The following DOCK6 variants were observed in gnomAD, a reference collection of about 807,000 sequenced individuals.
DOCK6 encodes dedicator of cytokinesis 6.
In DOCK6, 167 loss-of-function variants were observed where a neutral mutation model predicts 230.3. The ratio of observed to expected loss-of-function variants is 0.73; its 90% CI spans 0.64 to 0.82. The LOEUF (loss-of-function observed/expected upper bound fraction) is 0.82, where lower values mean the gene tolerates loss of function less well. DOCK6 is among the 40% of genes least tolerant of loss of function. The probability of loss-of-function intolerance (pLI) is 0.00; values close to 1 mark genes in which losing one functional copy is unlikely to be tolerated. For missense variants in DOCK6, 2,598 were observed against 2,825.8 expected (o/e 0.92, Z 1.83); for synonymous variants, 1,148 against 1,185.0 (o/e 0.97, Z 0.64).
At chr19:11,254,485 GA>G (rs1187228942) in intron 1 of DOCK6, among the ~76,000 whole-genome samples, 107 of 152,120 alleles carry the variant, frequency 7.0e-4, no homozygotes, top group African/African-American at 2.4e-3. Context: ...CCTGAGGTCA[GA>G]AGTTCAAGAA....
Position 11,222,609 on chromosome 19 carries a change from TA to T in DOCK6, c.3240+125del. The T allele has an allele frequency of 1.8e-6, 2 of 1,089,784 alleles. No individual in the cohort carries two copies. The highest frequency in any genetic ancestry group is 1.7e-5 in the South Asian group (1 of 59,526). 67.5% of individuals were successfully genotyped at this position (1,089,784 alleles called of 1,614,324 possible). Reference sequence around the variant, plus strand: ...AGGGTCAGAAGTCAAAAGTCAAACATAAGGGATTAGTTCACCTAGGCAGTGG... The same window carrying T: ...AGGGTCAGAAGTCAAAAGTCAAACATAGGGATTAGTTCACCTAGGCAGTGG... On this transcript the variant is annotated intron_variant, in intron 26 of 47. Transcript: ENST00000294618. This position sits in a 1 kb window ranked among gnomAD's most constrained non-coding sequence, Gnocchi z 4.0.
chr19:11,236,121 C>CCA lies in DOCK6; in HGVS notation c.2392+224_2392+225insTG. 3 of 580,504 alleles carry CCA rather than the reference C, an allele frequency of 5.2e-6. No individual in the cohort carries two copies. Among genetic ancestry groups the CCA allele is most frequent in the South Asian group, 2.4e-5 (1 of 42,020 alleles). 36.0% of individuals were successfully genotyped at this position (580,504 alleles called of 1,614,324 possible). On this transcript the variant is annotated intron_variant, in intron 20 of 47. Coordinates refer to ENST00000294618, the MANE Select transcript of DOCK6 (RefSeq NM_020812.4). The surrounding 1 kb of genome is among the most constrained non-coding windows in gnomAD (Gnocchi z 5.2). ...TCTCAAACTCTCGACCTCAGGTGAT[C>CCA]TGCCCGCCTCGGCCTCCCAAAGTGC...
Position 11,200,700 on chromosome 19 carries a change from G to A in DOCK6, c.5939+16C>T, listed in dbSNP as rs1270330985. 22 of 1,605,596 alleles carry A rather than the reference G, an allele frequency of 1.4e-5. No homozygotes were observed. The highest frequency in any genetic ancestry group is 1.6e-4 in the Middle Eastern group (1 of 6,078). On this transcript the variant is annotated intron_variant, in intron 46 of 47. Transcript: ENST00000294618. This position sits in a 1 kb window ranked among gnomAD's most constrained non-coding sequence, Gnocchi z 4.3. ...TAGGCAGACACGAGACCCCTCCTGG[G>A]GGGTTTTGCGCCTACTTCTTGCAGA... is the stretch of plus-strand genomic sequence containing the variant.
chr19:11,259,834 CG>C (rs1408772961), intron 1 of DOCK6, among the ~76,000 whole-genome samples: 1 of 149,738 alleles, frequency 6.7e-6, no homozygotes, highest in Non-Finnish European at 1.5e-5. Flanking sequence ...CCACCTGCCT[CG>C]GCCTCCCAAA....
In DOCK6 at chr19:11,251,017, C is replaced by T. The variant is rs376784362; in HGVS notation, c.577G>A (p.Asp193Asn). ...GAGTCAGCTGCCAGGTTCCTCAGGTCGAAGATGCTAGAGGCACCACTGCTT... is the reference window on the plus strand; with the variant it reads ...GAGTCAGCTGCCAGGTTCCTCAGGTTGAAGATGCTAGAGGCACCACTGCTT... Reference protein sequence around the residue: ...PRSSGASSIFDLRNLAADSLL... With the variant: ...PRSSGASSIFNLRNLAADSLL... Residue 193 changes from aspartate to asparagine, a missense_variant, in exon 6 of 48, where the codon GAC (aspartate) becomes AAC (asparagine). Coordinates refer to ENST00000294618, the MANE Select transcript of DOCK6 (RefSeq NM_020812.4). The T allele has an allele frequency of 5.5e-5, 88 of 1,613,600 alleles. No homozygotes were observed. The highest frequency in any genetic ancestry group is 7.1e-5 in the Non-Finnish European group (84 of 1,179,856).
Position 11,253,633 on chromosome 19 carries a change from A to G in DOCK6, c.132+6T>C. On this transcript the variant is annotated splice_donor_region_variant and intron_variant, in intron 2 of 47. Transcript: ENST00000294618. ...AGGGCTGGGGGCGGACCCCCCAAAT[A>G]CTTACCCCCAGGGAGCTGCTGCAGC... is the stretch of plus-strand genomic sequence containing the variant. 1.4e-6 allele frequency: 2 copies of G among 1,420,462 alleles called. No individual in the cohort carries two copies. Among genetic ancestry groups the G allele is most frequent in the South Asian group, 1.6e-5 (1 of 61,240 alleles). 88.0% of individuals were successfully genotyped at this position (1,420,462 alleles called of 1,614,324 possible).
chr19:11,261,533 G>A (rs544537797), intron 1 of DOCK6, among the ~76,000 whole-genome samples: 3 of 152,168 alleles, frequency 2.0e-5, no homozygotes, highest in Non-Finnish European at 2.9e-5. Flanking sequence ...CAGGTCCCCC[G>A]GGGAGAGGAT....
chr19:11,203,846 T>C (rs2079211815), intron 41 of DOCK6: 1 of 593,628 alleles, frequency 1.7e-6, no homozygotes, highest in Non-Finnish European at 3.0e-6. Context: ...GAGGGGTGTC[T>C]CTGGAGAGCT....
Position 11,236,672 on chromosome 19 carries a change from G to T in DOCK6, c.2161-95C>A. The stretch of plus-strand genomic sequence containing the variant: ...GCTTCCCTTAAAGCTGGGTCCAGCT[G>T]ACCAAAGTCACGTCCAAGGCCTGAG... On this transcript the variant is annotated intron_variant, in intron 19 of 47. Coordinates refer to ENST00000294618, the MANE Select transcript of DOCK6 (RefSeq NM_020812.4). This position sits in a 1 kb window ranked among gnomAD's most constrained non-coding sequence, Gnocchi z 5.2. 6.6e-7 allele frequency: 1 copy of T among 1,509,000 alleles called. No individual in the cohort carries two copies. The highest frequency in any genetic ancestry group is 1.2e-5 in the South Asian group (1 of 82,526). The allele number at this position is 1,509,000 out of a possible 1,614,324, so 93.5% of individuals were successfully genotyped here.
rs760454261 is a variant in DOCK6, at chr19:11,252,217, C to T, written c.409G>A (p.Val137Ile). Residue 137 changes from valine (V) to isoleucine (I), a missense_variant, in exon 5 of 48, where the codon GTC becomes ATC. By Grantham distance (29) the Val-to-Ile change is conservative (BLOSUM62 3). Transcript: ENST00000294618. The part of the protein sequence containing the change: ...YQYLSAAYSP[V>I]TTDTQRERQK... ...CGCTCCCGCTGTGTGTCTGTGGTGA[C>T]GGGGCTGTATGCTGCACTCAGGTAC... is the stretch of plus-strand genomic sequence containing the variant. 1.5e-5 allele frequency: 23 copies of T among 1,583,236 alleles called. No individual in the cohort carries two copies. Among genetic ancestry groups the T allele is most frequent in the Admixed American group, 3.7e-5 (2 of 54,362 alleles).
Position 11,243,068 on chromosome 19 carries a change from G to A in DOCK6, c.1471C>T (p.Pro491Ser). 1 of 1,613,892 alleles carries A rather than the reference G, an allele frequency of 6.2e-7. No individual in the cohort carries two copies. The highest frequency in any genetic ancestry group is 8.5e-7 in the Non-Finnish European group (1 of 1,179,888). The change falls in exon 13 of 48, where the codon CCT (proline) becomes TCT (serine). Residue 491 changes from proline to serine, a missense_variant. Pro to Ser is a moderately conservative substitution (Grantham distance 74). Coordinates refer to ENST00000294618, the MANE Select transcript of DOCK6 (RefSeq NM_020812.4). This position sits in a 1 kb window ranked among gnomAD's most constrained non-coding sequence, Gnocchi z 6.3. ...GGGGTGTGCCACGCACCAGTCACAGGACGTAGTCGCCGCAGCAGGGACGAC... is the reference window on the plus strand; with the variant it reads ...GGGGTGTGCCACGCACCAGTCACAGAACGTAGTCGCCGCAGCAGGGACGAC... ...RPSSLLRRLR[P>S]VTAQLKIDIS...
intron 29 of DOCK6, 23 bp from the exon 30 acceptor site, chr19:11,217,119 G>C: frequency 6.2e-7 from 1 of 1,602,632 alleles, no homozygotes; most frequent in Non-Finnish European, 8.5e-7. Context: ...AGGAATCAAA[G>C]TCAATTTCCA....
chr19:11,249,898 CA>C (rs1198954379), intron 6 of DOCK6, among the ~76,000 whole-genome samples: 109 of 50,586 alleles, frequency 2.2e-3, no homozygotes, highest in African/African-American at 8.6e-3. Context: ...GACTCCATCT[CA>C]AAAAAAAAAA....
Position 11,236,006 on chromosome 19 carries a change from G to T in DOCK6, c.2393-247C>A. ...AGCAATTCTCCTGCCTCAGCCTCCC[G>T]AGTAGCTGGGATTACAGGCATGCGC... On this transcript the variant is annotated intron_variant, in intron 20 of 47. Transcript: ENST00000294618. The surrounding 1 kb of genome is among the most constrained non-coding windows in gnomAD (Gnocchi z 5.2). 2 of 498,350 alleles carry T rather than the reference G, an allele frequency of 4.0e-6. No individual in the cohort carries two copies. The highest frequency in any genetic ancestry group is 6.9e-6 in the Non-Finnish European group (2 of 290,746). The allele number at this position is 498,350 out of a possible 1,614,324, so 30.9% of individuals were successfully genotyped here.
At chr19:11,227,250 G>T in intron 24 of DOCK6, 87 bp downstream of exon 24, 1 of 1,546,460 alleles carries the variant, frequency 6.5e-7, no homozygotes. Context: ...ACGGCCAGGA[G>T]ACACTGGGCA....
rs768133678 is a variant in DOCK6, at chr19:11,238,028, C to A, written c.1832+17G>T. ...CCCATGAGTGCCCCCAAGTTCCTCA[C>A]GTGTCCCCCTACATACTTGTTATGG... On this transcript the variant is annotated intron_variant, in intron 16 of 47. Coordinates refer to ENST00000294618, the MANE Select transcript of DOCK6 (RefSeq NM_020812.4). 1 of 1,613,616 alleles carries A rather than the reference C, an allele frequency of 6.2e-7. No individual in the cohort carries two copies. The highest frequency in any genetic ancestry group is 1.7e-5 in the Admixed American group (1 of 59,962).
intron 1 of DOCK6, among the ~76,000 whole-genome samples, chr19:11,259,556 CTTTTT>C (rs756965986): frequency 4.8e-5 from 5 of 103,644 alleles, no homozygotes; most frequent in South Asian, 3.8e-4. Flanking sequence ...TATTTCTTTT[CTTTTT>C]TTTTTTTTTT....
chr19:11,228,013 T>A (rs2079697159), intron 23 of DOCK6, among the ~76,000 whole-genome samples: 1 of 144,124 alleles, frequency 6.9e-6, no homozygotes, highest in South Asian at 2.2e-4. Flanking sequence ...CTTTCCCTCT[T>A]TTTTTTTTTT....
rs779817797 is a variant in DOCK6, at chr19:11,222,793, C to T, written c.3182G>A (p.Cys1061Tyr). The change falls in exon 26 of 48, where the codon TGC (cysteine) becomes TAC (tyrosine). Residue 1061 changes from cysteine (C) to tyrosine (Y), a missense_variant. Coordinates refer to ENST00000294618, the MANE Select transcript of DOCK6 (RefSeq NM_020812.4). This position sits in a 1 kb window ranked among gnomAD's most constrained non-coding sequence, Gnocchi z 4.0. ...HEHYVTLNLP[C>Y]CPLSPPASPS... ...CGAGGCTGGAGGTGACAGGGGGCAG[C>T]AGGGGAGGTTGAGGGTCACGTAGTG... is the stretch of plus-strand genomic sequence containing the variant. 6 of 1,587,152 alleles carry T rather than the reference C, an allele frequency of 3.8e-6. No homozygotes were observed. The South Asian group carries it at 6.9e-5, about 18-fold the overall frequency.
Sources: allele counts gnomAD v4.1 joint callset (sites outside exome capture counted in the v4.1 genomes callset), GRCh38; gene constraint gnomAD v4.1.1; non-coding constraint Gnocchi (gnomAD v3.1); transcripts MANE v1.5; gene names NCBI Gene and HGNC (gene_info 2026-07-23, HGNC 2026-07-21).